Variants in PCDHGB2 observed in about 807,000 individuals in gnomAD.
PCDHGB2 encodes the protein protocadherin gamma subfamily B, 2.
PCDHGB2 carries 55 observed loss-of-function variants against 59.3 expected under a neutral mutation model. That is an observed-to-expected ratio of 0.93 (90% CI 0.75 to 1.16). The LOEUF (loss-of-function observed/expected upper bound fraction) is 1.16. Among genes scored for constraint, PCDHGB2 ranks in the 50% most tolerant of loss-of-function variants. PCDHGB2 has a pLI of 0.00. For synonymous variants in PCDHGB2, 516 were observed against 512.0 expected (o/e 1.01, Z -0.11); for missense variants, 1,228 against 1,198.5 (o/e 1.02, Z -0.36).
rs556217163 is a variant in PCDHGB2, at chr5:141,433,697, C to T, written c.2422-61110C>T. Among the ~76,000 whole-genome samples the T allele has an allele frequency of 6.0e-4, 91 of 152,138 alleles. 1 individual carries two copies. Among genetic ancestry groups the T allele is most frequent in the African/African-American group, 2.0e-3 (85 of 41,536 alleles). ...CTAAAAAAATACAAAATTAGCCGGGCGTGGTGGTGCATGTCTGTAATCCCA... is the reference window on the plus strand; with the variant it reads ...CTAAAAAAATACAAAATTAGCCGGGTGTGGTGGTGCATGTCTGTAATCCCA... On this transcript the variant is annotated intron_variant, in intron 1 of 3. Coordinates refer to ENST00000522605, the MANE Select transcript of PCDHGB2 (RefSeq NM_018923.3).
intron 1 of PCDHGB2, among the ~76,000 whole-genome samples, chr5:141,461,046 G>A (rs984653754): frequency 6.6e-6 from 1 of 151,578 alleles, no homozygotes; most frequent in Non-Finnish European, 1.5e-5. Context: ...AGTCGATGGG[G>A]ACTTAGGTTG....
At chr5:141,375,066 G>A (rs1463444937) in intron 1 of PCDHGB2, 7 of 1,613,872 alleles carry the variant, frequency 4.3e-6, no homozygotes, top group Admixed American at 1.7e-5. Flanking sequence ...CCAGGTCTTC[G>A]AGACAGAGCG....
intron 1 of PCDHGB2, chr5:141,405,038 G>C: frequency 6.2e-7 from 1 of 1,613,964 alleles, no homozygotes; most frequent in Non-Finnish European, 8.5e-7. Context: ...CCTCGTTGTG[G>C]CTGTGGCAGT....
At chr5:141,460,981 GTGTA>G (rs1315974712) in intron 1 of PCDHGB2, among the ~76,000 whole-genome samples, 3 of 121,894 alleles carry the variant, frequency 2.5e-5, no homozygotes, top group Non-Finnish European at 5.1e-5. Context: ...GTGTGTGTGT[GTGTA>G]TATATATATA....
At chr5:141,418,769 C>A (rs1488222030) in intron 1 of PCDHGB2, 2 of 1,613,828 alleles carry the variant, frequency 1.2e-6, no homozygotes, top group East Asian at 4.5e-5. Flanking sequence ...CATTCTAACT[C>A]AGCAGCCTTT....
intron 1 of PCDHGB2, chr5:141,366,519 G>T: frequency 6.2e-7 from 1 of 1,614,256 alleles, no homozygotes; most frequent in Non-Finnish European, 8.5e-7. Context: ...GCTGAAGGCA[G>T]CAGGTTGGCG....
At position 141,471,055 on chromosome 5, in the gene PCDHGB2, T is replaced by C. The variant is rs1229791864; in HGVS notation, c.2422-23752T>C. Reference sequence around the variant, plus strand: ...AACAAGCCCAAGCCCTCTTTTTTTTTTTTTTTTTTTTGAGACAGGGTCTCC... The same window carrying C: ...AACAAGCCCAAGCCCTCTTTTTTTTCTTTTTTTTTTTGAGACAGGGTCTCC... On this transcript the variant is annotated intron_variant, in intron 1 of 3. Coordinates refer to ENST00000522605, the MANE Select transcript of PCDHGB2 (RefSeq NM_018923.3). Among the ~76,000 whole-genome samples the C allele has an allele frequency of 1.7e-4, 25 of 148,764 alleles. 2 individuals are homozygous for C. The Admixed American group carries it at 1.7e-3, about 10-fold the overall frequency.
chr5:141,365,656 AGCAGAC>A (rs528991261), intron 1 of PCDHGB2: 1 of 1,613,518 alleles, frequency 6.2e-7, no homozygotes, highest in Non-Finnish European at 8.5e-7. Context: ...CCTTGAAAGT[AGCAGAC>A]GTTAATGACA....
chr5:141,371,781 G>A (rs1443074185), intron 1 of PCDHGB2: 1 of 1,613,878 alleles, frequency 6.2e-7, no homozygotes, highest in Non-Finnish European at 8.5e-7. Context: ...GCATGTAGCT[G>A]AGAACAATCC....
rs746949700 is a variant in PCDHGB2, at chr5:141,361,054, T to G, written c.919T>G (p.Leu307Val). The change falls in exon 1 of 4, where the codon TTG becomes GTG. Residue 307 changes from leucine (L) to valine (V), a missense_variant. Leu to Val is a conservative substitution (Grantham distance 32). Transcript: ENST00000522605. Reference sequence around the variant, plus strand: ...AGGAGAAATCACGACAAAGGATGATTTGGATTTTGAGATTGCAAGTAGTTA... The same window carrying G: ...AGGAGAAATCACGACAAAGGATGATGTGGATTTTGAGATTGCAAGTAGTTA... ...KTGEITTKDD[L>V]DFEIASSYTL... The G allele has an allele frequency of 3.7e-6, 6 of 1,613,700 alleles. No individual in the cohort carries two copies. In the African/African-American group the frequency reaches 6.7e-5, roughly 18 times the overall value.
Position 141,427,950 on chromosome 5 carries a change from A to C in PCDHGB2, c.2421+65394A>C, listed in dbSNP as rs773336611. The stretch of plus-strand genomic sequence containing the variant: ...CATGTTGGTGGGCGACCTCAATGAC[A>C]ATGTGCCGCGGGTGCTGTACCCCGC... On this transcript the variant is annotated intron_variant, in intron 1 of 3. Transcript: ENST00000522605. 7 of 1,586,816 alleles carry C rather than the reference A, an allele frequency of 4.4e-6. No individual in the cohort carries two copies. The African/African-American group carries it at 8.1e-5, about 18-fold the overall frequency.
In PCDHGB2 at chr5:141,418,027, T is replaced by C. The variant is rs536104184; in HGVS notation, c.2421+55471T>C. On this transcript the variant is annotated intron_variant, in intron 1 of 3. Coordinates refer to ENST00000522605, the MANE Select transcript of PCDHGB2 (RefSeq NM_018923.3). ...GGAACCTCGCTAAGGATCTAGGGCT[T>C]AGTGTCCTGGATGTGTCGGCTCGCG... is the stretch of plus-strand genomic sequence containing the variant. 144 of 1,613,732 alleles carry C rather than the reference T, an allele frequency of 8.9e-5. No homozygotes were observed. The East Asian group carries it at 1.2e-3, about 14-fold the overall frequency.
rs759226115 is a variant in PCDHGB2 at position 141,405,385 on chromosome 5, AT to A, written c.2421+42837del. On this transcript the variant is annotated intron_variant, in intron 1 of 3. Transcript: ENST00000522605. ...ACACCCCTTTGGTTCCGGTGAGTTC[AT>A]TTTTTTTCTTTCTTTCTTTTCTTTT... 1.8e-5 allele frequency: 29 copies of A among 1,599,886 alleles called. No homozygotes were observed. In the East Asian group the frequency reaches 2.2e-4, roughly 12 times the overall value.
chr5:141,462,209 C>T (rs1158675305), intron 1 of PCDHGB2, among the ~76,000 whole-genome samples: 6 of 152,172 alleles, frequency 3.9e-5, no homozygotes, highest in Non-Finnish European at 8.8e-5. Flanking sequence ...ATCCGCCTGC[C>T]TCGGCCTCCC....
intron 1 of PCDHGB2, chr5:141,371,963 G>A: frequency 6.2e-7 from 1 of 1,613,264 alleles, no homozygotes; most frequent in Non-Finnish European, 8.5e-7. Context: ...TCGACCACGA[G>A]CAGCTGCGTG....
intron 1 of PCDHGB2, among the ~76,000 whole-genome samples, chr5:141,451,493 T>C (rs1554137340): frequency 2.0e-5 from 3 of 152,230 alleles, no homozygotes; most frequent in Admixed American, 2.0e-4. Context: ...TGGACCTCCA[T>C]AGGGCAACCA....
At chr5:141,461,430 A>G (rs1239117668) in intron 1 of PCDHGB2, among the ~76,000 whole-genome samples, 2 of 151,992 alleles carry the variant, frequency 1.3e-5, no homozygotes, top group African/African-American at 4.8e-5. Context: ...GGCCATTTGT[A>G]TACCTTCTTT....
At chr5:141,427,721 A>C (rs904969652) in intron 1 of PCDHGB2, 3 of 1,110,498 alleles carry the variant, frequency 2.7e-6, no homozygotes, top group Non-Finnish European at 4.0e-6. Context: ...ACCTGGACCT[A>C]GGGCTGAATG....
At chr5:141,365,534 T>C (rs761287174) in intron 1 of PCDHGB2, 1 of 1,613,758 alleles carries the variant, frequency 6.2e-7, no homozygotes, top group Non-Finnish European at 8.5e-7. Flanking sequence ...TGATAATTAC[T>C]ATCACCTATT....
Sources: allele counts gnomAD v4.1 joint callset (sites outside exome capture counted in the v4.1 genomes callset), GRCh38; gene constraint gnomAD v4.1.1; transcripts MANE v1.5; gene names NCBI Gene and HGNC (gene_info 2026-07-23, HGNC 2026-07-21).